LRRC8B: variants seen among roughly 807,000 people sequenced by gnomAD.
LRRC8B encodes the protein volume-regulated anion channel subunit LRRC8B.
Under a neutral mutation model 58.8 loss-of-function variants are expected in LRRC8B, and 23 were observed. That is an observed-to-expected ratio of 0.39 (90% CI 0.28 to 0.55). LRRC8B has a LOEUF of 0.55. Among genes scored for constraint, LRRC8B ranks in the 20% least tolerant of loss-of-function variants. LRRC8B has a pLI of 0.62. For synonymous variants in LRRC8B, 359 were observed against 374.1 expected, an observed-to-expected ratio of 0.96 and a Z score of 0.47; for missense variants, 694 against 936.0, an observed-to-expected ratio of 0.74 and a Z score of 3.37.
In LRRC8B at chr1:89,595,838, A is replaced by T. The variant is rs1655257982; in HGVS notation, c.*2795A>T. ...TATTCACATAAGAGAATTTTAAATG[A>T]AGAAAATTAAGTTTGTTAAATTATA... On this transcript the variant is annotated 3_prime_UTR_variant, in exon 6 of 6. Transcript: ENST00000330947. The T allele has an allele frequency of 6.6e-6, 1 of 152,156 alleles. No homozygotes were observed. The highest frequency in any genetic ancestry group is 2.4e-5 in the African/African-American group (1 of 41,448). The allele number at this position is 152,156 out of a possible 1,614,324, so 9.4% of individuals were successfully genotyped here. A position where few individuals can be genotyped will look rare whatever the true frequency, so the allele number is the denominator to read the frequency against.
At chr1:89,562,181 A>ACACACACACACC (rs1553157003) in intron 1 of LRRC8B, among the ~76,000 whole-genome samples, 159 of 149,924 alleles carry the variant, frequency 1.1e-3, no homozygotes, top group African/African-American at 3.5e-3. Context: ...ACACACACAC[A>ACACACACACACC]CCCTCTGCAT....
intron 5 of LRRC8B, 108 bp downstream of exon 5, chr1:89,584,897 C>G (rs147259628): frequency 1.5e-4 from 111 of 749,922 alleles, no homozygotes; most frequent in African/African-American, 1.4e-3. Context: ...CAAGCCAAGC[C>G]CAATCCGATC....
At chr1:89,553,649 G>A (rs577232572) in intron 1 of LRRC8B, among the ~76,000 whole-genome samples, 2 of 152,244 alleles carry the variant, frequency 1.3e-5, no homozygotes, top group East Asian at 3.9e-4. Flanking sequence ...TTCAGGAAAC[G>A]TCTGCTTCCT....
intron 1 of LRRC8B, among the ~76,000 whole-genome samples, chr1:89,562,815 T>C (rs1557607757): frequency 6.6e-6 from 1 of 152,132 alleles, no homozygotes; most frequent in Non-Finnish European, 1.5e-5. Flanking sequence ...CTAGACAAAT[T>C]TGGGGGATCA....
At chr1:89,546,166 G>A (rs1023120579) in intron 1 of LRRC8B, among the ~76,000 whole-genome samples, 1 of 152,164 alleles carries the variant, frequency 6.6e-6, no homozygotes. Context: ...AGTAGGAAGG[G>A]TTGGAAAAGC....
intron 1 of LRRC8B, among the ~76,000 whole-genome samples, chr1:89,544,608 A>G (rs1422497389): frequency 6.6e-6 from 1 of 152,208 alleles, no homozygotes; most frequent in Non-Finnish European, 1.5e-5. Flanking sequence ...AATAATAATA[A>G]TATCCCAGTG....
chr1:89,534,045 A>G (rs772267038), intron 1 of LRRC8B, among the ~76,000 whole-genome samples: 8 of 152,326 alleles, frequency 5.3e-5, no homozygotes, highest in South Asian at 2.1e-4. Flanking sequence ...TTGTACTTCA[A>G]TGAAATAATC....
intron 5 of LRRC8B, among the ~76,000 whole-genome samples, chr1:89,586,992 A>G (rs1313457309): frequency 1.3e-5 from 2 of 152,200 alleles, no homozygotes; most frequent in African/African-American, 4.8e-5. Flanking sequence ...TGGTCTTCAG[A>G]TATTTGAAAA....
rs200997401 is a variant in LRRC8B at position 89,593,377 on chromosome 1, CAA to C, written c.*349_*350del. On this transcript the variant is annotated 3_prime_UTR_variant, in exon 6 of 6. Transcript: ENST00000330947. ...GGGTGACAGAGCAAGACTCTTATCT[CAA>C]AAAAAAAAAAAAAATGCTCCAGGGC... 7.6e-3 allele frequency: 1,033 copies of C among 135,418 alleles called. No individual in the cohort carries two copies. Among genetic ancestry groups the C allele is most frequent in the South Asian group, 0.012 (52 of 4,434 alleles). The allele number at this position is 135,418 out of a possible 1,614,324, so 8.4% of individuals were successfully genotyped here. A position where few individuals can be genotyped will look rare whatever the true frequency, so the allele number is the denominator to read the frequency against.
At chr1:89,581,392 G>T (rs959122558) in intron 4 of LRRC8B, among the ~76,000 whole-genome samples, 1 of 151,246 alleles carries the variant, frequency 6.6e-6, no homozygotes, top group African/African-American at 2.4e-5. Flanking sequence ...AAATCCAAGA[G>T]AAACCCTTGA....
At chr1:89,541,525 A>C (rs959858288) in intron 1 of LRRC8B, among the ~76,000 whole-genome samples, 11 of 151,110 alleles carry the variant, frequency 7.3e-5, no homozygotes, top group African/African-American at 2.4e-4. Context: ...TCCCGGCTAA[A>C]ACGGTGAAAC....
chr1:89,577,247 A>G (rs1653924072), intron 3 of LRRC8B, among the ~76,000 whole-genome samples: 1 of 152,124 alleles, frequency 6.6e-6, no homozygotes, highest in African/African-American at 2.4e-5. Context: ...TTATTTTTTC[A>G]CTTGTTATTT....
At chr1:89,559,355 G>C (rs1433673021) in intron 1 of LRRC8B, among the ~76,000 whole-genome samples, 3 of 151,982 alleles carry the variant, frequency 2.0e-5, no homozygotes, top group African/African-American at 7.2e-5. Context: ...GTTAAAATTA[G>C]TACTTCCTGC....
intron 1 of LRRC8B, among the ~76,000 whole-genome samples, chr1:89,564,504 G>C (rs1223726373): frequency 6.6e-6 from 1 of 152,162 alleles, no homozygotes; most frequent in Non-Finnish European, 1.5e-5. Context: ...ACTTGAGCAA[G>C]TTTGTTTCTC....
intron 1 of LRRC8B, among the ~76,000 whole-genome samples, chr1:89,534,618 T>C (rs1436645307): frequency 6.6e-6 from 1 of 152,216 alleles, no homozygotes; most frequent in Admixed American, 6.5e-5. Context: ...TGAATTGTTA[T>C]TATGATTTTT....
chr1:89,568,845 A>G (rs1401343316), intron 3 of LRRC8B, among the ~76,000 whole-genome samples: 3 of 152,288 alleles, frequency 2.0e-5, no homozygotes, highest in Admixed American at 6.5e-5. Flanking sequence ...TGTTTAAGGT[A>G]GGATTTTTAA....
At chr1:89,590,209 GT>G (rs1404167741) in intron 5 of LRRC8B, among the ~76,000 whole-genome samples, 3 of 152,148 alleles carry the variant, frequency 2.0e-5, no homozygotes, top group African/African-American at 7.2e-5. Flanking sequence ...AAATAAATTA[GT>G]TTTAAATAAT....
At chr1:89,532,864 T>C (rs1386381181) in intron 1 of LRRC8B, among the ~76,000 whole-genome samples, 1 of 152,226 alleles carries the variant, frequency 6.6e-6, no homozygotes, top group Non-Finnish European at 1.5e-5. Flanking sequence ...CTGTTCACCT[T>C]TAGATTCTGT....
intron 1 of LRRC8B, among the ~76,000 whole-genome samples, chr1:89,538,045 C>G (rs1357867267): frequency 6.6e-6 from 1 of 152,134 alleles, no homozygotes; most frequent in Non-Finnish European, 1.5e-5. Flanking sequence ...AAAACCTCCC[C>G]AAGTATGTGG....
Sources: gnomAD v4.1 joint callset for allele counts (sites outside exome capture counted in the v4.1 genomes callset) on GRCh38, gnomAD v4.1.1 for gene constraint, MANE v1.5 for transcripts, NCBI Gene and HGNC (gene_info 2026-07-23, HGNC 2026-07-21) for gene names.